Variants in MBOAT2 observed in about 807,000 individuals in gnomAD.
MBOAT2 encodes membrane bound glycerophospholipid O-acyltransferase 2, also known as membrane-bound glycerophospholipid O-acyltransferase 2.
MBOAT2 carries 28 observed loss-of-function variants against 63.4 expected under a neutral mutation model. That is an observed-to-expected ratio of 0.44 (90% CI 0.33 to 0.61). The LOEUF is 0.61. MBOAT2 is among the 20% of genes least tolerant of loss of function. The pLI is 0.03. For synonymous variants in MBOAT2, 211 were observed against 215.6 expected (o/e 0.98, Z 0.19); for missense variants, 470 against 605.8 (o/e 0.78, Z 2.35).
chr2:8,930,455 ACATTTTCTTAAT>A (rs1386520424), intron 3 of MBOAT2, among the ~76,000 whole-genome samples: 1 of 152,096 alleles, frequency 6.6e-6, no homozygotes, highest in African/African-American at 2.4e-5. Context: ...TATATGTGCC[ACATTTTCTTAAT>A]CCAGTCTATC....
At chr2:8,867,146 A>G (rs1661958444) in intron 9 of MBOAT2, among the ~76,000 whole-genome samples, 2 of 151,982 alleles carry the variant, frequency 1.3e-5, no homozygotes, top group African/African-American at 4.8e-5. Flanking sequence ...CCTGCTGAGT[A>G]GCTGGGTCTA....
intron 3 of MBOAT2, among the ~76,000 whole-genome samples, chr2:8,928,648 T>C (rs1667098262): frequency 1.3e-5 from 2 of 152,066 alleles, no homozygotes; most frequent in Non-Finnish European, 2.9e-5. Context: ...ATAAAATTTT[T>C]ATGAAAAATA....
At chr2:8,976,344 G>A (rs1670814903) in intron 1 of MBOAT2, among the ~76,000 whole-genome samples, 1 of 151,834 alleles carries the variant, frequency 6.6e-6, no homozygotes, top group Non-Finnish European at 1.5e-5. Context: ...AACTGAGAAG[G>A]AATTTATTTA....
intron 1 of MBOAT2, among the ~76,000 whole-genome samples, chr2:8,988,608 G>T (rs1037649398): frequency 6.6e-6 from 1 of 152,068 alleles, no homozygotes; most frequent in African/African-American, 2.4e-5. Flanking sequence ...TAAGAGATTC[G>T]ATTATTTCAT....
At chr2:8,872,624 A>G (rs1259712062) in intron 8 of MBOAT2, among the ~76,000 whole-genome samples, 1 of 152,094 alleles carries the variant, frequency 6.6e-6, no homozygotes, top group Non-Finnish European at 1.5e-5. Context: ...CTTTTCTCTA[A>G]AATTTGTTCT....
intron 1 of MBOAT2, among the ~76,000 whole-genome samples, chr2:8,984,253 G>A (rs926492891): frequency 2.0e-5 from 3 of 152,166 alleles, no homozygotes; most frequent in African/African-American, 7.2e-5. Context: ...GGGGAAAATA[G>A]GGAGTTGCTT....
chr2:8,969,575 G>A (rs1453337420), intron 1 of MBOAT2, among the ~76,000 whole-genome samples: 4 of 152,098 alleles, frequency 2.6e-5, no homozygotes, highest in African/African-American at 7.2e-5. Flanking sequence ...ACACAGACTG[G>A]CAAATTGGAC....
intron 4 of MBOAT2, among the ~76,000 whole-genome samples, chr2:8,893,193 G>A (rs1023574389): frequency 3.3e-5 from 5 of 151,872 alleles, no homozygotes; most frequent in African/African-American, 7.3e-5. Context: ...TATTCTGAAA[G>A]GAAAGTCAAT....
chr2:8,973,492 C>G (rs910766572), intron 1 of MBOAT2, among the ~76,000 whole-genome samples: 1 of 149,722 alleles, frequency 6.7e-6, no homozygotes, highest in Non-Finnish European at 1.5e-5. Flanking sequence ...ACATTGTGCA[C>G]ATGTACCCTA....
chr2:8,945,317 A>T (rs755292513), intron 2 of MBOAT2, among the ~76,000 whole-genome samples: 2 of 152,124 alleles, frequency 1.3e-5, no homozygotes, highest in Non-Finnish European at 2.9e-5. Flanking sequence ...CACTGGTGAT[A>T]ATCTTCCTAA....
rs10177186 is a variant in MBOAT2 at position 8,862,015 on chromosome 2, C to T, written c.1185+575G>A. Among the ~76,000 whole-genome samples the T allele has an allele frequency of 0.018, 2,781 of 152,314 alleles. 32 individuals are homozygous for T. Among genetic ancestry groups the T allele is most frequent in the Middle Eastern group, 0.037 (11 of 294 alleles). Reference sequence around the variant, plus strand: ...GCTTGTTCAAACATGGTTTTTGTCACGTCACTTTCCTCTAACTGGTTTTCA... The same window carrying T: ...GCTTGTTCAAACATGGTTTTTGTCATGTCACTTTCCTCTAACTGGTTTTCA... On this transcript the variant is annotated intron_variant, in intron 11 of 12. Coordinates refer to ENST00000305997, the MANE Select transcript of MBOAT2 (RefSeq NM_138799.4). This position sits in a 1 kb window ranked among gnomAD's most constrained non-coding sequence, Gnocchi z 4.3.
At chr2:8,985,742 C>T (rs562356337) in intron 1 of MBOAT2, among the ~76,000 whole-genome samples, 5 of 152,288 alleles carry the variant, frequency 3.3e-5, no homozygotes, top group East Asian at 3.9e-4. Flanking sequence ...GCACCACACC[C>T]GCCATGACCA....
chr2:8,985,758 A>G (rs1323779461), intron 1 of MBOAT2, among the ~76,000 whole-genome samples: 4 of 151,998 alleles, frequency 2.6e-5, no homozygotes, highest in Non-Finnish European at 5.9e-5. Flanking sequence ...GACCACCATC[A>G]CCGAGCCTAG....
At chr2:8,900,546 G>A (rs567309675) in intron 4 of MBOAT2, among the ~76,000 whole-genome samples, 6 of 152,288 alleles carry the variant, frequency 3.9e-5, no homozygotes, top group African/African-American at 1.4e-4. Context: ...CCTACAGCTT[G>A]AAGGAGACAT....
intron 4 of MBOAT2, among the ~76,000 whole-genome samples, chr2:8,890,530 T>A (rs58198652): frequency 0.012 from 1,857 of 152,258 alleles, 39 homozygotes; most frequent in African/African-American, 0.043. Context: ...TGTAAAAAAA[T>A]GTCTTTTTCA....
chr2:8,921,658 T>C (rs1666580195), intron 3 of MBOAT2, among the ~76,000 whole-genome samples: 1 of 152,190 alleles, frequency 6.6e-6, no homozygotes, highest in Non-Finnish European at 1.5e-5. Flanking sequence ...TGAAGGATAA[T>C]TTTGCTGGAT....
At chr2:8,941,732 T>A (rs1012401317) in intron 3 of MBOAT2, among the ~76,000 whole-genome samples, 28 of 152,046 alleles carry the variant, frequency 1.8e-4, no homozygotes, top group African/African-American at 6.0e-4. Flanking sequence ...ACTTACACAG[T>A]CACATGTGCA....
At chr2:8,878,841 C>T (rs1250516735) in intron 6 of MBOAT2, among the ~76,000 whole-genome samples, 2 of 152,084 alleles carry the variant, frequency 1.3e-5, no homozygotes, top group African/African-American at 4.8e-5. Flanking sequence ...CTTTGGGAGG[C>T]CGAGGCGGGC....
intron 3 of MBOAT2, among the ~76,000 whole-genome samples, chr2:8,922,801 T>A (rs1666671520): frequency 6.6e-6 from 1 of 152,152 alleles, no homozygotes; most frequent in South Asian, 2.1e-4. Context: ...TCTTATCAAG[T>A]CCCTTGATGG....
Sources: allele counts gnomAD v4.1 joint callset (sites outside exome capture counted in the v4.1 genomes callset), GRCh38; gene constraint gnomAD v4.1.1; non-coding constraint Gnocchi (gnomAD v3.1); transcripts MANE v1.5; gene names NCBI Gene and HGNC (gene_info 2026-07-23, HGNC 2026-07-21).